Variants in ACTR3B observed in about 807,000 individuals in gnomAD.
ACTR3B encodes the protein actin-related protein 3B.
In ACTR3B, 8 loss-of-function variants were observed where a neutral mutation model predicts 59.0. The ratio of observed to expected loss-of-function variants is 0.14; its 90% confidence interval spans 0.08 to 0.24. The LOEUF is 0.24. Ranked by LOEUF, ACTR3B falls within the 10% of genes least tolerant of loss-of-function variation. ACTR3B has a pLI of 1.00. For missense variants in ACTR3B, 245 were observed against 552.3 expected, an observed-to-expected ratio of 0.44 and a Z score of 5.58; for synonymous variants, 148 against 197.9, an observed-to-expected ratio of 0.75 and a Z score of 2.12.
intron 9 of ACTR3B, among the ~76,000 whole-genome samples, chr7:152,851,766 C>T (rs9986710): frequency 6.6e-6 from 1 of 151,984 alleles, no homozygotes; most frequent in African/African-American, 2.4e-5. Context: ...TTAAGGCGGA[C>T]CAGGGGAGAG....
chr7:152,769,543 G>A (rs879009224), intron 1 of ACTR3B, among the ~76,000 whole-genome samples: 1 of 151,988 alleles, frequency 6.6e-6, no homozygotes, highest in African/African-American at 2.4e-5. Context: ...GTTGCCTTTT[G>A]TTGGATGACT....
intron 1 of ACTR3B, among the ~76,000 whole-genome samples, chr7:152,774,335 C>T (rs1264366815): frequency 6.6e-6 from 1 of 152,170 alleles, no homozygotes; most frequent in Non-Finnish European, 1.5e-5. Flanking sequence ...GGGGTTTCTC[C>T]CTGTTGGCCA....
intron 1 of ACTR3B, among the ~76,000 whole-genome samples, chr7:152,775,716 G>A (rs1325691105): frequency 1.3e-5 from 2 of 150,830 alleles, no homozygotes; most frequent in East Asian, 2.0e-4. Context: ...CCAAGATCAC[G>A]CCATTGCACT....
At chr7:152,762,800 T>G (rs2098094039) in intron 1 of ACTR3B, among the ~76,000 whole-genome samples, 1 of 152,188 alleles carries the variant, frequency 6.6e-6, no homozygotes, top group African/African-American at 2.4e-5. Flanking sequence ...TGTTGGCATT[T>G]TTGACAGCCA....
At chr7:152,803,789 A>G (rs1443882835) in intron 4 of ACTR3B, among the ~76,000 whole-genome samples, 1 of 152,272 alleles carries the variant, frequency 6.6e-6, no homozygotes, top group African/African-American at 2.4e-5. Flanking sequence ...TTCAAAAACA[A>G]TCAGGTTTAT....
chr7:152,808,189 G>C (rs1325874884), intron 4 of ACTR3B, among the ~76,000 whole-genome samples: 1 of 152,128 alleles, frequency 6.6e-6, no homozygotes, highest in East Asian at 1.9e-4. Flanking sequence ...CCATGTTGAA[G>C]CATGTGCCAG....
chr7:152,832,418 T>TGA (rs1427218938), intron 9 of ACTR3B, among the ~76,000 whole-genome samples: 5 of 152,116 alleles, frequency 3.3e-5, no homozygotes, highest in Non-Finnish European at 7.4e-5. Context: ...GAGTAGCAGG[T>TGA]GAGGACAAGA....
chr7:152,834,826 G>A (rs1462061892), intron 9 of ACTR3B, among the ~76,000 whole-genome samples: 1 of 152,226 alleles, frequency 6.6e-6, no homozygotes, highest in Non-Finnish European at 1.5e-5. Context: ...CTGCTGGCGA[G>A]TGAAGCAGAT....
intron 2 of ACTR3B, among the ~76,000 whole-genome samples, chr7:152,791,000 G>GA (rs1328145225): frequency 1.3e-5 from 2 of 150,188 alleles, no homozygotes; most frequent in African/African-American, 2.4e-5. Flanking sequence ...GAGCTTGTTA[G>GA]AAAAAATAAT....
At chr7:152,783,077 T>G in intron 1 of ACTR3B, 110 bp from the exon 2 acceptor site, 1 of 464,072 alleles carries the variant, frequency 2.2e-6, no homozygotes, top group Non-Finnish European at 3.7e-6. Flanking sequence ...TCAAGGAGTA[T>G]TCTGAGGCTT....
intron 10 of ACTR3B, among the ~76,000 whole-genome samples, chr7:152,852,914 A>C (rs1223132032): frequency 3.3e-5 from 5 of 151,750 alleles, no homozygotes; most frequent in Admixed American, 2.0e-4. Context: ...GCCTCAGCCT[A>C]TTGAGTAGCT....
chr7:152,782,166 T>C (rs951966247), intron 1 of ACTR3B, among the ~76,000 whole-genome samples: 1 of 151,716 alleles, frequency 6.6e-6, no homozygotes, highest in African/African-American at 2.4e-5. Flanking sequence ...GGATCAAAAA[T>C]TTAATATTAA....
At position 152,790,641 on chromosome 7, in the gene ACTR3B, A is replaced by G. The variant is rs201262673; in HGVS notation, c.100+7399A>G. ...ATTTCTTGTTTTTGTCTGGTTGTGT[A>G]TCAGGATTATATGGGCTTCATAAAA... On this transcript the variant is annotated intron_variant, in intron 2 of 11. Transcript: ENST00000256001. Among the ~76,000 whole-genome samples, 20 of 152,236 alleles carry G rather than the reference A, an allele frequency of 1.3e-4. No homozygotes were observed. In the East Asian group the frequency reaches 3.7e-3, roughly 28 times the overall value.
intron 7 of ACTR3B, among the ~76,000 whole-genome samples, chr7:152,821,726 A>G (rs77389879): frequency 1.3e-5 from 2 of 152,200 alleles, no homozygotes; most frequent in Non-Finnish European, 2.9e-5. Flanking sequence ...GAGACTGTTC[A>G]TAGCCTCCGA....
rs1466248209 is a variant in ACTR3B, at chr7:152,759,786, G to C, written c.-97G>C. The C allele has an allele frequency of 3.0e-6, 3 of 993,858 alleles. No homozygotes were observed. The highest frequency in any genetic ancestry group is 2.5e-6 in the Non-Finnish European group (2 of 806,738). 61.6% of individuals were successfully genotyped at this position (993,858 alleles called of 1,614,324 possible). On this transcript the variant is annotated 5_prime_UTR_variant, in exon 1 of 12. Coordinates refer to ENST00000256001, the MANE Select transcript of ACTR3B (RefSeq NM_020445.6). ...CCCGGCAGCGGCGCTGCGGCGGCTCGCGGGAGACGCTGCGCGCGGGGCTAG... is the reference window on the plus strand; with the variant it reads ...CCCGGCAGCGGCGCTGCGGCGGCTCCCGGGAGACGCTGCGCGCGGGGCTAG...
At chr7:152,818,650 T>C (rs922286608) in intron 6 of ACTR3B, among the ~76,000 whole-genome samples, 16 of 152,350 alleles carry the variant, frequency 1.1e-4, no homozygotes, top group African/African-American at 2.9e-4. Context: ...GGTTTCTCCA[T>C]ATTGGTCAGG....
At chr7:152,788,345 T>C (rs1253444966) in intron 2 of ACTR3B, among the ~76,000 whole-genome samples, 1 of 152,048 alleles carries the variant, frequency 6.6e-6, no homozygotes, top group African/African-American at 2.4e-5. Flanking sequence ...TCCTTGAAGA[T>C]GGTATATGTG....
intron 9 of ACTR3B, among the ~76,000 whole-genome samples, chr7:152,830,969 T>A (rs1796981683): frequency 6.6e-6 from 1 of 152,266 alleles, no homozygotes; most frequent in African/African-American, 2.4e-5. Flanking sequence ...TTTATTCAGA[T>A]GAAGTCCTGG....
At chr7:152,798,917 C>T (rs2098225931) in intron 2 of ACTR3B, among the ~76,000 whole-genome samples, 1 of 152,178 alleles carries the variant, frequency 6.6e-6, no homozygotes. Flanking sequence ...ACTTTGAAGT[C>T]AGGTAGTGCG....
Sources: gnomAD v4.1 joint callset for allele counts (sites outside exome capture counted in the v4.1 genomes callset) on GRCh38, gnomAD v4.1.1 for gene constraint, MANE v1.5 for transcripts, NCBI Gene and HGNC (gene_info 2026-07-23, HGNC 2026-07-21) for gene names.